The following AAK1 variants were observed in gnomAD, a reference collection of about 807,000 sequenced individuals.
The protein encoded by AAK1 is AP2 associated kinase 1.
A neutral mutation model predicts 116.0 loss-of-function variants in AAK1; 37 were observed. That is an observed-to-expected ratio of 0.32 (90% CI 0.25 to 0.42). The LOEUF (loss-of-function observed/expected upper bound fraction) is 0.42. Among genes scored for constraint, AAK1 ranks in the 10% least tolerant of loss-of-function variants. AAK1 has a pLI of 1.00. For missense variants in AAK1, 919 were observed against 1,170.6 expected (o/e 0.79, Z 3.14); for synonymous variants, 458 against 439.9 (o/e 1.04, Z -0.51).
chr2:69,595,528 T>G (rs932742082), intron 2 of AAK1, among the ~76,000 whole-genome samples: 4 of 152,224 alleles, frequency 2.6e-5, no homozygotes, highest in African/African-American at 9.7e-5. Flanking sequence ...AATCTAGAGC[T>G]AGGCACCACT....
Position 69,469,167 on chromosome 2 carries a change from TAC to T in AAK1, c.*6700_*6701del, listed in dbSNP as rs1674592853. 1 of 985,234 alleles carries T rather than the reference TAC, an allele frequency of 1.0e-6. No homozygotes were observed. Among genetic ancestry groups the T allele is most frequent in the Non-Finnish European group, 1.2e-6 (1 of 829,942 alleles). The allele number at this position is 985,234 out of a possible 1,614,324, so 61.0% of individuals were successfully genotyped here. On this transcript the variant is annotated 3_prime_UTR_variant, in exon 22 of 22. Coordinates refer to ENST00000409085, the MANE Select transcript of AAK1 (RefSeq NM_014911.5). ...ACCTTTCTATTCTTGTTAGAGGAGG[TAC>T]AGTGTGGCTGAGGCGGAGAGCAACC...
chr2:69,596,441 T>C (rs963949405), intron 2 of AAK1, among the ~76,000 whole-genome samples: 1 of 152,134 alleles, frequency 6.6e-6, no homozygotes, highest in Non-Finnish European at 1.5e-5. Context: ...AGGCTGGTCT[T>C]GAACTCCTGA....
chr2:69,552,707 C>A (rs1671230832), intron 3 of AAK1, among the ~76,000 whole-genome samples: 1 of 151,702 alleles, frequency 6.6e-6, no homozygotes, highest in Non-Finnish European at 1.5e-5. Flanking sequence ...CAAGAAGACT[C>A]CGTCTCAAAA....
chr2:69,643,441 G>A (rs1010340072), intron 1 of AAK1, 134 bp downstream of exon 1: 2 of 1,190,476 alleles, frequency 1.7e-6, no homozygotes, highest in African/African-American at 3.2e-5. Context: ...CCAGAACCCG[G>A]GACCCCCGAG....
chr2:69,594,646 T>C (rs1673183018), intron 2 of AAK1: 10 of 535,096 alleles, frequency 1.9e-5, no homozygotes, highest in Non-Finnish European at 3.3e-5. Flanking sequence ...GTTAGCCAGG[T>C]TGTGAATGCA....
intron 3 of AAK1, among the ~76,000 whole-genome samples, chr2:69,547,545 T>C (rs1275743698): frequency 3.3e-5 from 5 of 151,856 alleles, no homozygotes; most frequent in African/African-American, 9.7e-5. Context: ...GAAATATAAA[T>C]AAAAAATCAC....
Position 69,507,592 on chromosome 2 carries a change from CA to C in AAK1, c.2007-15del, listed in dbSNP as rs751224094. On this transcript the variant is annotated splice_polypyrimidine_tract_variant and intron_variant, in intron 14 of 21. Coordinates refer to ENST00000409085, the MANE Select transcript of AAK1 (RefSeq NM_014911.5). ...GTGGTTGCAGACCTAGGTAGGTTCCCACCCCCACGAAACAAAAAGATATAAA... is the reference window on the plus strand; with the variant it reads ...GTGGTTGCAGACCTAGGTAGGTTCCCCCCCCACGAAACAAAAAGATATAAA... The C allele has an allele frequency of 6.4e-6, 10 of 1,574,170 alleles. No individual in the cohort carries two copies.
intron 3 of AAK1, among the ~76,000 whole-genome samples, chr2:69,549,437 T>C (rs1671080130): frequency 6.6e-6 from 1 of 152,186 alleles, no homozygotes; most frequent in African/African-American, 2.4e-5. Context: ...TGAGTGTTCT[T>C]TTCTCCATGT....
chr2:69,531,854 T>C (rs531294289), intron 6 of AAK1, 187 bp downstream of exon 6: 138 of 1,269,864 alleles, frequency 1.1e-4, no homozygotes, highest in South Asian at 2.6e-4. Context: ...CTCTGATGTA[T>C]GCCTGTAAAC....
intron 3 of AAK1, among the ~76,000 whole-genome samples, chr2:69,554,715 A>G (rs1024449145): frequency 2.0e-5 from 3 of 152,234 alleles, no homozygotes; most frequent in Non-Finnish European, 4.4e-5. Context: ...AGAATCACCT[A>G]AAGAGGTTGC....
intron 3 of AAK1, among the ~76,000 whole-genome samples, chr2:69,547,131 A>G (rs1034997883): frequency 2.0e-5 from 3 of 152,202 alleles, no homozygotes; most frequent in African/African-American, 7.2e-5. Flanking sequence ...ACAAACATTA[A>G]CTCAAAATGG....
Position 69,640,049 on chromosome 2 carries a change from A to T in AAK1, c.163+2829T>A, listed in dbSNP as rs201636224. Among the ~76,000 whole-genome samples, 627 of 114,756 alleles carry T rather than the reference A, an allele frequency of 5.5e-3. 10 individuals are homozygous for T. The East Asian group carries it at 0.073, about 13-fold the overall frequency. 75.3% of individuals were successfully genotyped at this position (114,756 alleles called of 152,430 possible). A position where few individuals can be genotyped will look rare whatever the true frequency, so the allele number is the denominator to read the frequency against. On this transcript the variant is annotated intron_variant, in intron 2 of 21. Coordinates refer to ENST00000409085, the MANE Select transcript of AAK1 (RefSeq NM_014911.5). The stretch of plus-strand genomic sequence containing the variant: ...CACACACACACACACACACACACAC[A>T]CACACTCTCTCTCTCTCTCTCTCTC...
intron 2 of AAK1, chr2:69,598,888 C>CT (rs952407147): frequency 2.0e-5 from 6 of 301,152 alleles, no homozygotes; most frequent in African/African-American, 4.6e-5. Context: ...CAGCCCATGG[C>CT]TTTTTTTACA....
intron 11 of AAK1, 49 bp from the exon 12 acceptor site, chr2:69,519,289 A>G (rs1414737856): frequency 3.4e-6 from 5 of 1,473,892 alleles, no homozygotes; most frequent in Non-Finnish European, 4.5e-6. Flanking sequence ...CTTCCACACA[A>G]AAATGGCTTT....
At chr2:69,597,439 C>T in intron 2 of AAK1, 1 of 167,866 alleles carries the variant, frequency 6.0e-6, no homozygotes, top group African/African-American at 2.4e-5. Flanking sequence ...CCTGAGTTTC[C>T]TCGTGATGTG....
chr2:69,570,365 G>T (rs559028418), intron 2 of AAK1, among the ~76,000 whole-genome samples: 1 of 151,916 alleles, frequency 6.6e-6, no homozygotes, highest in South Asian at 2.1e-4. Context: ...GTCCCTGCCA[G>T]TCACCCAAAT....
rs913086041 is a variant in AAK1, at chr2:69,471,381, A to T, written c.*4488T>A. The T allele has an allele frequency of 1.0e-6, 1 of 985,282 alleles. No homozygotes were observed. The highest frequency in any genetic ancestry group is 6.1e-5 in the Admixed American group (1 of 16,264). The allele number at this position is 985,282 out of a possible 1,614,324, so 61.0% of individuals were successfully genotyped here. On this transcript the variant is annotated 3_prime_UTR_variant, in exon 22 of 22. Coordinates refer to ENST00000409085, the MANE Select transcript of AAK1 (RefSeq NM_014911.5). Reference sequence around the variant, plus strand: ...GATTTAAGAAATCTAAGCACATCCAACTTCAGAAACATTACTAATGTGGAA... The same window carrying T: ...GATTTAAGAAATCTAAGCACATCCATCTTCAGAAACATTACTAATGTGGAA...
chr2:69,586,026 C>T (rs924739932), intron 2 of AAK1, among the ~76,000 whole-genome samples: 11 of 152,102 alleles, frequency 7.2e-5, no homozygotes, highest in Non-Finnish European at 1.3e-4. Flanking sequence ...CCCTGCCCTC[C>T]GCACGTCACT....
At chr2:69,586,194 A>C (rs1181882649) in intron 2 of AAK1, among the ~76,000 whole-genome samples, 2 of 152,350 alleles carry the variant, frequency 1.3e-5, no homozygotes, top group South Asian at 2.1e-4. Context: ...TTCTAAAATA[A>C]TCATTATGCA....
Sources: allele counts gnomAD v4.1 joint callset (sites outside exome capture counted in the v4.1 genomes callset), GRCh38; gene constraint gnomAD v4.1.1; transcripts MANE v1.5; gene names NCBI Gene and HGNC (gene_info 2026-07-23, HGNC 2026-07-21).